Variants in OLAH observed in about 807,000 individuals in gnomAD.
OLAH encodes oleoyl-ACP hydrolase.
Under a neutral mutation model 27.8 loss-of-function variants are expected in OLAH, and 33 were observed. The ratio of observed to expected loss-of-function variants is 1.19; its 90% CI spans 0.90 to 1.59. OLAH has a LOEUF of 1.59. Among genes scored for constraint, OLAH ranks in the 40% most tolerant of loss-of-function variants. OLAH has a pLI of 0.00. For missense variants in OLAH, 359 were observed against 310.8 expected, an observed-to-expected ratio of 1.16 and a Z score of -1.17; for synonymous variants, 120 against 102.9, an observed-to-expected ratio of 1.17 and a Z score of -1.01.
At chr10:15,072,430 A>C (rs572348624) in intron 7 of OLAH, among the ~76,000 whole-genome samples, 1 of 152,274 alleles carries the variant, frequency 6.6e-6, no homozygotes, top group African/African-American at 2.4e-5. Flanking sequence ...GTCTCAAAGA[A>C]ATAAAAAATG....
intron 1 of OLAH, among the ~76,000 whole-genome samples, chr10:15,046,323 T>TATAAATAAATAAATAAATAAATAA (rs113256684): frequency 2.7e-5 from 4 of 149,040 alleles, no homozygotes; most frequent in African/African-American, 9.9e-5. Context: ...CTCAAAAAAA[T>TATAAATAAATAAATAAATAAATAA]ATAAATAAAT....
chr10:15,068,860 T>G (rs1017158278), intron 6 of OLAH, among the ~76,000 whole-genome samples: 1 of 152,172 alleles, frequency 6.6e-6, no homozygotes, highest in Non-Finnish European at 1.5e-5. Context: ...GTTTTGTTGT[T>G]GCTGTGATGA....
intron 6 of OLAH, among the ~76,000 whole-genome samples, chr10:15,068,460 T>G (rs1343785964): frequency 1.3e-5 from 2 of 152,194 alleles, no homozygotes; most frequent in Non-Finnish European, 2.9e-5. Context: ...TGGCGCGATC[T>G]CAGCTCACTG....
chr10:15,034,194 A>G (rs1267214307), intron 1 of OLAH, among the ~76,000 whole-genome samples: 1 of 150,328 alleles, frequency 6.7e-6, no homozygotes, highest in Non-Finnish European at 1.5e-5. Context: ...GCTCACTGCA[A>G]CCTCCGCCTC....
At chr10:15,061,279 G>T (rs2131367361) in intron 3 of OLAH, among the ~76,000 whole-genome samples, 1 of 152,254 alleles carries the variant, frequency 6.6e-6, no homozygotes, top group East Asian at 1.9e-4. Flanking sequence ...CTTTTTCACA[G>T]AGGGTCTAGA....
At chr10:15,039,451 C>T (rs1843888580), upstream of OLAH, among the ~76,000 whole-genome samples, 2 of 152,128 alleles carry the variant, frequency 1.3e-5, no homozygotes, top group South Asian at 4.1e-4. Context: ...GTGATGCATG[C>T]CTGTAATTCC....
At chr10:15,054,023 C>T (rs1844197407) in intron 3 of OLAH, among the ~76,000 whole-genome samples, 1 of 149,938 alleles carries the variant, frequency 6.7e-6, no homozygotes, top group East Asian at 2.0e-4. Context: ...AGCCACAGTG[C>T]TCAATCCTCT....
intron 1 of OLAH, among the ~76,000 whole-genome samples, chr10:15,035,923 A>G (rs1040970355): frequency 5.9e-5 from 9 of 152,052 alleles, no homozygotes; most frequent in Non-Finnish European, 1.3e-4. Flanking sequence ...ATCTCACACC[A>G]ATCTCGCGAG....
chr10:15,069,028 T>G (rs1844527184), intron 6 of OLAH, among the ~76,000 whole-genome samples: 1 of 152,194 alleles, frequency 6.6e-6, no homozygotes, highest in Admixed American at 6.5e-5. Context: ...CTCTTCCTCC[T>G]GTTGCCCTCC....
chr10:15,071,484 G>A, intron 6 of OLAH: 2 of 976,602 alleles, frequency 2.0e-6, no homozygotes, highest in Non-Finnish European at 2.4e-6. Context: ...TTACTAAAGA[G>A]GTCTTCGTTT....
chr10:15,045,163 T>A (rs1016007096), intron 1 of OLAH, among the ~76,000 whole-genome samples: 6 of 152,196 alleles, frequency 3.9e-5, no homozygotes, highest in African/African-American at 1.4e-4. Context: ...TTACTCAACT[T>A]GGAAAATATT....
At chr10:15,057,044 CT>C in intron 3 of OLAH, 1 of 1,311,492 alleles carries the variant, frequency 7.6e-7, no homozygotes, top group South Asian at 2.4e-5. Context: ...AATGTGGTGT[CT>C]TCTGACTCAC....
upstream of OLAH, among the ~76,000 whole-genome samples, chr10:15,040,178 A>C (rs1393335811): frequency 1.3e-5 from 2 of 150,186 alleles, no homozygotes; most frequent in South Asian, 2.1e-4. Flanking sequence ...TCCCTTTGTC[A>C]CTCCCCAGTC....
intron 3 of OLAH, 63 bp from the exon 4 acceptor site, chr10:15,061,661 T>G: frequency 7.0e-7 from 1 of 1,425,154 alleles, no homozygotes; most frequent in Non-Finnish European, 9.3e-7. Flanking sequence ...ATGAGCCCTT[T>G]TATAACATCA....
chr10:15,037,039 A>G (rs900420851), intron 1 of OLAH, among the ~76,000 whole-genome samples: 1 of 152,162 alleles, frequency 6.6e-6, no homozygotes, highest in African/African-American at 2.4e-5. Context: ...AGATCGTGCC[A>G]CAGCACTCCA....
Position 15,073,197 on chromosome 10 carries a change from T to G in OLAH, c.766T>G (p.Cys256Gly), listed in dbSNP as rs1209961716. Residue 256 changes from cysteine to glycine, a missense_variant, in exon 8 of 8, where the codon TGT becomes GGT. Physicochemically the swap from Cys to Gly is radical, Grantham distance 159. Coordinates refer to ENST00000378228, the MANE Select transcript of OLAH (RefSeq NM_001039702.3). ...ATTAATCAAGAACTACATAATCAAG[T>G]GTCTAGAAGTATCATCGATATCCAA... ...EKLIKNYIIK[C>G]LEVSSISNF 1 of 1,599,720 alleles carries G rather than the reference T, an allele frequency of 6.3e-7. No individual in the cohort carries two copies. The highest frequency in any genetic ancestry group is 8.5e-7 in the Non-Finnish European group (1 of 1,171,362).
chr10:15,066,547 A>T (rs1844470821), intron 6 of OLAH, among the ~76,000 whole-genome samples: 1 of 151,926 alleles, frequency 6.6e-6, no homozygotes, highest in Non-Finnish European at 1.5e-5. Context: ...GATTCTTCTG[A>T]TAGAACTGAA....
intron 3 of OLAH, among the ~76,000 whole-genome samples, chr10:15,060,872 A>G (rs1460938873): frequency 6.6e-6 from 1 of 152,118 alleles, no homozygotes; most frequent in Non-Finnish European, 1.5e-5. Context: ...ATTTTGTTGT[A>G]TTCCTGTACA....
chr10:15,056,726 C>T (rs531085357), intron 3 of OLAH: 20 of 1,225,636 alleles, frequency 1.6e-5, no homozygotes, highest in Admixed American at 4.1e-5. Context: ...AACTTTTCAG[C>T]CTCAAGTGAT....
Sources: allele counts gnomAD v4.1 joint callset (sites outside exome capture counted in the v4.1 genomes callset), GRCh38; gene constraint gnomAD v4.1.1; transcripts MANE v1.5; gene names NCBI Gene and HGNC (gene_info 2026-07-23, HGNC 2026-07-21).